The following ITGA11 variants were observed in gnomAD, a reference collection of about 807,000 sequenced individuals.
ITGA11 encodes integrin alpha-11.
ITGA11 carries 97 observed loss-of-function variants against 141.9 expected under a neutral mutation model. That is an observed-to-expected ratio of 0.68 (90% CI 0.58 to 0.81). ITGA11 has a LOEUF of 0.81. ITGA11 is among the 30% of genes least tolerant of loss of function. ITGA11 has a pLI of 0.00. For synonymous variants in ITGA11, 658 were observed against 624.6 expected, an observed-to-expected ratio of 1.05 and a Z score of -0.80; for missense variants, 1,387 against 1,559.2, an observed-to-expected ratio of 0.89 and a Z score of 1.86.
chr15:68,413,774 A>G lies in ITGA11; in HGVS notation c.53-10745T>C, dbSNP rs138246934. The stretch of plus-strand genomic sequence containing the variant: ...GAGCATCTGTCTTGAGTCTCAGCAA[A>G]CAATTTAGAATTGGAAACCAGGCAG... On this transcript the variant is annotated intron_variant, in intron 1 of 29. Transcript: ENST00000315757. 3.0e-3 allele frequency among the ~76,000 whole-genome samples: 457 copies of G among 152,338 alleles called. 3 individuals carry two copies. Among genetic ancestry groups the G allele is most frequent in the African/African-American group, 0.011 (446 of 41,590 alleles).
rs1190299435 is a variant in ITGA11, at chr15:68,322,735, G to A, written c.2323-1232C>T. 6.6e-6 allele frequency among the ~76,000 whole-genome samples: 1 copy of A among 151,872 alleles called. No homozygotes were observed. The highest frequency in any genetic ancestry group is 1.9e-4 in the East Asian group (1 of 5,172). Reference sequence around the variant, plus strand: ...ATACAAAAATTAGCTGGGCGCAGTGGCTGCAGTCCCAGCTACTCGGGAGGC... The same window carrying A: ...ATACAAAAATTAGCTGGGCGCAGTGACTGCAGTCCCAGCTACTCGGGAGGC... On this transcript the variant is annotated intron_variant, in intron 18 of 29. Transcript: ENST00000315757. This position sits in a 1 kb window ranked among gnomAD's most constrained non-coding sequence, Gnocchi z 5.6.
At chr15:68,383,130 G>A (rs1251451900) in intron 2 of ITGA11, among the ~76,000 whole-genome samples, 3 of 152,184 alleles carry the variant, frequency 2.0e-5, no homozygotes, top group Non-Finnish European at 2.9e-5. Context: ...GATTAGCCGG[G>A]CGTGGTGGCG....
intron 5 of ITGA11, 55 bp from the exon 6 acceptor site, chr15:68,358,640 T>G: frequency 6.4e-7 from 1 of 1,551,450 alleles, no homozygotes. Context: ...TGCGAGTCTC[T>G]GATTCTCTGG....
intron 1 of ITGA11, among the ~76,000 whole-genome samples, chr15:68,420,139 TG>T (rs902729405): frequency 6.6e-6 from 1 of 152,184 alleles, no homozygotes; most frequent in Non-Finnish European, 1.5e-5. Flanking sequence ...AGCTCCTTCT[TG>T]GGTGCTAAAC....
In ITGA11 at chr15:68,325,011, A is replaced by G; in HGVS notation, c.2322+120T>C. On this transcript the variant is annotated intron_variant, in intron 18 of 29. Coordinates refer to ENST00000315757, the MANE Select transcript of ITGA11 (RefSeq NM_001004439.2). The surrounding 1 kb of genome is among the most constrained non-coding windows in gnomAD (Gnocchi z 5.5). Reference sequence around the variant, plus strand: ...TGGGTTTGCCAGGACAGGAGGTGGGAAGGTGAGATGAGGGATGGTGTCCTC... The same window carrying G: ...TGGGTTTGCCAGGACAGGAGGTGGGGAGGTGAGATGAGGGATGGTGTCCTC... 1 of 731,426 alleles carries G rather than the reference A, an allele frequency of 1.4e-6. No homozygotes were observed. Among genetic ancestry groups the G allele is most frequent in the Non-Finnish European group, 2.4e-6 (1 of 411,572 alleles). The allele number at this position is 731,426 out of a possible 1,614,324, so 45.3% of individuals were successfully genotyped here.
At chr15:68,396,963 A>T (rs1180027609) in intron 2 of ITGA11, among the ~76,000 whole-genome samples, 19 of 5,352 alleles carry the variant, frequency 3.6e-3, no homozygotes, top group Non-Finnish European at 4.4e-3. Context: ...TTATTATATA[A>T]TAAATAATAT....
Position 68,362,106 on chromosome 15 carries a change from C to T in ITGA11, c.358-402G>A, listed in dbSNP as rs756034599. On this transcript the variant is annotated intron_variant, in intron 4 of 29. Coordinates refer to ENST00000315757, the MANE Select transcript of ITGA11 (RefSeq NM_001004439.2). ...AGAATAACTCCTCTGTCTGAGAGGTCGCCTGAAGGGCCTTACTGGGCAAAC... is the reference window on the plus strand; with the variant it reads ...AGAATAACTCCTCTGTCTGAGAGGTTGCCTGAAGGGCCTTACTGGGCAAAC... 47 of 163,578 alleles carry T rather than the reference C, an allele frequency of 2.9e-4. No individual in the cohort carries two copies. In the Middle Eastern group the frequency reaches 0.018, roughly 63 times the overall value. 10.1% of individuals were successfully genotyped at this position (163,578 alleles called of 1,614,324 possible). A position where few individuals can be genotyped will look rare whatever the true frequency, so the allele number is the denominator to read the frequency against.
intron 10 of ITGA11, among the ~76,000 whole-genome samples, chr15:68,346,469 T>C (rs1399386769): frequency 1.3e-5 from 2 of 152,198 alleles, no homozygotes; most frequent in Non-Finnish European, 2.9e-5. Context: ...AGCTGATTAT[T>C]TAAGAGTCTT....
intron 10 of ITGA11, among the ~76,000 whole-genome samples, chr15:68,343,099 C>A (rs1417441272): frequency 6.6e-6 from 1 of 151,320 alleles, no homozygotes; most frequent in East Asian, 1.9e-4. Context: ...ATTTTTAATT[C>A]TTAGCAGGGC....
intron 7 of ITGA11, among the ~76,000 whole-genome samples, chr15:68,351,734 T>A (rs1305214272): frequency 6.6e-6 from 1 of 151,312 alleles, no homozygotes; most frequent in Non-Finnish European, 1.5e-5. Context: ...TTTAGAGGCA[T>A]TAAGTCAGTG....
intron 2 of ITGA11, among the ~76,000 whole-genome samples, chr15:68,398,755 C>T (rs967005011): frequency 4.1e-5 from 6 of 145,334 alleles, no homozygotes; most frequent in African/African-American, 1.5e-4. Context: ...GTAAATATAA[C>T]TATATTCATA....
chr15:68,429,466 T>C (rs893231627), intron 1 of ITGA11, among the ~76,000 whole-genome samples: 2 of 152,348 alleles, frequency 1.3e-5, no homozygotes, highest in Non-Finnish European at 1.5e-5. Context: ...TGATTACTTT[T>C]TTTTTAGGCT....
chr15:68,400,716 ATATTATATAATAAATATTAT>A, intron 2 of ITGA11, among the ~76,000 whole-genome samples: 1 of 21,632 alleles, frequency 4.6e-5, no homozygotes, highest in Non-Finnish European at 6.8e-5. Flanking sequence ...TAAATATTAT[ATATTATATAATAAATATTAT>A]ATATTATATA....
rs1178712373 is a variant in ITGA11, at chr15:68,364,933, C to A, written c.266-135G>T. 8 of 922,316 alleles carry A rather than the reference C, an allele frequency of 8.7e-6. No individual in the cohort carries two copies. In the African/African-American group the frequency reaches 1.2e-4, roughly 13 times the overall value. The allele number at this position is 922,316 out of a possible 1,614,324, so 57.1% of individuals were successfully genotyped here. On this transcript the variant is annotated intron_variant, in intron 3 of 29. Transcript: ENST00000315757. ...GGGGACCTCTGGCTCTCAGGGTTTA[C>A]AAAGGCCTTCCCCAGACGTACTCTC...
rs550392272 is a variant in ITGA11 at position 68,325,489 on chromosome 15, C to A, written c.2212-248G>T. On this transcript the variant is annotated intron_variant, in intron 17 of 29. Transcript: ENST00000315757. The surrounding 1 kb of genome is among the most constrained non-coding windows in gnomAD (Gnocchi z 5.5). ...AGCTGCCTGGCTGTTTTGCCAAGCT[C>A]CTGCACATCCTTCGGGGCCAGACTC... is the stretch of plus-strand genomic sequence containing the variant. Among the ~76,000 whole-genome samples the A allele has an allele frequency of 3.9e-5, 6 of 152,312 alleles. No individual in the cohort carries two copies. Among genetic ancestry groups the A allele is most frequent in the African/African-American group, 1.4e-4 (6 of 41,552 alleles).
At chr15:68,331,594 C>T (rs567392468) in intron 14 of ITGA11, among the ~76,000 whole-genome samples, 45 of 150,920 alleles carry the variant, frequency 3.0e-4, no homozygotes, top group African/African-American at 1.1e-3. Context: ...GGTCAGGTGC[C>T]AGGGACTTCT....
rs767784555 is a variant in ITGA11 at position 68,325,170 on chromosome 15, G to A, written c.2283C>T (p.Pro761=). 76 of 1,613,946 alleles carry A rather than the reference G, an allele frequency of 4.7e-5. 1 individual carries two copies. Among genetic ancestry groups the A allele is most frequent in the Middle Eastern group, 3.3e-4 (2 of 6,062 alleles). ...TGGTGGGCCAGCCGTCGTCCAGCATGGGGCCATGGTCAGGGTCCTCCAGGG... is the reference window on the plus strand; with the variant it reads ...TGGTGGGCCAGCCGTCGTCCAGCATAGGGCCATGGTCAGGGTCCTCCAGGG... ...EYSLEDPDHG[P]MLDDGWPTTL... Residue 761 remains proline (P), a synonymous_variant, in exon 18 of 30, where the codon CCC becomes CCT. Coordinates refer to ENST00000315757, the MANE Select transcript of ITGA11 (RefSeq NM_001004439.2). The surrounding 1 kb of genome is among the most constrained non-coding windows in gnomAD (Gnocchi z 5.5).
chr15:68,326,597 C>T lies in ITGA11; in HGVS notation c.2211+57G>A, dbSNP rs751751989. The T allele has an allele frequency of 4.2e-5, 63 of 1,512,272 alleles. No homozygotes were observed. Among genetic ancestry groups the T allele is most frequent in the Admixed American group, 6.2e-5 (3 of 48,342 alleles). 93.7% of individuals were successfully genotyped at this position (1,512,272 alleles called of 1,614,324 possible). A position where few individuals can be genotyped will look rare whatever the true frequency, so the allele number is the denominator to read the frequency against. On this transcript the variant is annotated intron_variant, in intron 17 of 29. Coordinates refer to ENST00000315757, the MANE Select transcript of ITGA11 (RefSeq NM_001004439.2). This position sits in a 1 kb window ranked among gnomAD's most constrained non-coding sequence, Gnocchi z 6.8. ...CCAGGCAGACTCTCTGCCTCTCCCACGGCAGATGCTCCTTCCTATAGGAGC... is the reference window on the plus strand; with the variant it reads ...CCAGGCAGACTCTCTGCCTCTCCCATGGCAGATGCTCCTTCCTATAGGAGC...
chr15:68,343,505 C>G (rs971068087), intron 10 of ITGA11, among the ~76,000 whole-genome samples: 5 of 152,230 alleles, frequency 3.3e-5, no homozygotes, highest in Non-Finnish European at 7.3e-5. Flanking sequence ...GTGCTTCCCT[C>G]TTGCCCAGTA....
Sources: allele counts gnomAD v4.1 joint callset (sites outside exome capture counted in the v4.1 genomes callset), GRCh38; gene constraint gnomAD v4.1.1; non-coding constraint Gnocchi (gnomAD v3.1); transcripts MANE v1.5; gene names NCBI Gene and HGNC (gene_info 2026-07-23, HGNC 2026-07-21).